Variants in AKR1C3 observed in about 807,000 individuals in gnomAD.
AKR1C3 encodes the protein aldo-keto reductase family 1 member C3, also known as 3-alpha hydroxysteroid dehydrogenase, type II.
In AKR1C3, 48 loss-of-function variants were observed where a neutral mutation model predicts 43.6. The ratio of observed to expected loss-of-function variants is 1.10; its 90% confidence interval spans 0.87 to 1.40. The LOEUF is 1.40. Among genes scored for constraint, AKR1C3 ranks in the 40% most tolerant of loss-of-function variants. The probability of loss-of-function intolerance (pLI) is 0.00; values close to 1 mark genes in which losing one functional copy is unlikely to be tolerated. For synonymous variants in AKR1C3, 162 were observed against 139.6 expected, an observed-to-expected ratio of 1.16 and a Z score of -1.13; for missense variants, 482 against 391.2, an observed-to-expected ratio of 1.23 and a Z score of -1.96.
chr10:5,102,766 T>G, intron 7 of AKR1C3, 116 bp downstream of exon 7: 1 of 1,509,480 alleles, frequency 6.6e-7, no homozygotes, highest in Non-Finnish European at 8.9e-7. Flanking sequence ...ATTTCCCATA[T>G]GAATGCTTTG....
At chr10:5,064,058 A>C (rs1480325464) in intron 1 of AKR1C3, among the ~76,000 whole-genome samples, 2 of 152,232 alleles carry the variant, frequency 1.3e-5, no homozygotes, top group African/African-American at 4.8e-5. Flanking sequence ...GCTCATCCAT[A>C]AAAGTAGCTT....
chr10:5,054,660 ACT>A (rs1469842267), intron 1 of AKR1C3, among the ~76,000 whole-genome samples: 3 of 150,908 alleles, frequency 2.0e-5, no homozygotes, highest in Non-Finnish European at 4.4e-5. Flanking sequence ...TCTCTTTCTG[ACT>A]CTGACTTTCT....
Position 5,097,541 on chromosome 10 carries a change from G to GTCTC in AKR1C3, c.362_365dup (p.Lys123SerfsTer5). 1 of 1,613,534 alleles carries GTCTC rather than the reference G, an allele frequency of 6.2e-7. No homozygotes were observed. The highest frequency in any genetic ancestry group is 8.5e-7 in the Non-Finnish European group (1 of 1,179,574). On this transcript the variant is annotated frameshift_variant, in exon 3 of 9. Coordinates refer to ENST00000380554, the MANE Select transcript of AKR1C3 (RefSeq NM_003739.6). LOFTEE classifies it high-confidence loss of function. ...ACCTCTATCTTATTCATTCTCCAAT[G>GTCTC]TCTCTAAAGGTATGCAGTTTGTATG...
chr10:5,107,420 T>A, intron 8 of AKR1C3, 41 bp from the exon 9 acceptor site: 4 of 1,344,080 alleles, frequency 3.0e-6, no homozygotes, highest in Non-Finnish European at 3.2e-6. Flanking sequence ...CCCCTAGTAA[T>A]GGAGTCATTG....
At chr10:5,088,042 A>G (rs1554783525) in intron 1 of AKR1C3, among the ~76,000 whole-genome samples, 1 of 152,148 alleles carries the variant, frequency 6.6e-6, no homozygotes, top group Non-Finnish European at 1.5e-5. Context: ...ATTCATTTCA[A>G]AAAATCTGTT....
At position 5,107,499 on chromosome 10, in the gene AKR1C3, A is replaced by G. The variant is rs782096222; in HGVS notation, c.968A>G (p.Tyr323Cys). Residue 323 changes from tyrosine to cysteine, a missense_variant, in exon 9 of 9, where the codon TAT becomes TGT. Transcript: ENST00000380554. ...CCTAATTATCCATATTCAGATGAATATTAACATGGAGGGCTTTGCCTGATG... is the reference window on the plus strand; with the variant it reads ...CCTAATTATCCATATTCAGATGAATGTTAACATGGAGGGCTTTGCCTGATG... The part of the protein sequence containing the change: ...SHPNYPYSDE[Y>C] The G allele has an allele frequency of 9.4e-6, 15 of 1,588,910 alleles. No homozygotes were observed. In the Admixed American group the frequency reaches 2.2e-4, roughly 23 times the overall value.
chr10:5,077,733 GAAA>G, intron 1 of AKR1C3: 6 of 1,165,624 alleles, frequency 5.1e-6, no homozygotes, highest in Non-Finnish European at 5.3e-6. Context: ...AGAGAAAAAA[GAAA>G]AAAAAAGGTG....
chr10:5,105,138 T>G (rs1181892566), intron 7 of AKR1C3: 1 of 153,056 alleles, frequency 6.5e-6, no homozygotes, highest in Non-Finnish European at 1.5e-5. Flanking sequence ...AATTCCTGCC[T>G]TGAATTATGT....
At chr10:5,056,025 T>A (rs1838254191) in intron 1 of AKR1C3, among the ~76,000 whole-genome samples, 2 of 152,196 alleles carry the variant, frequency 1.3e-5, no homozygotes, top group South Asian at 4.1e-4. Flanking sequence ...AAGCTGGGCC[T>A]TCAACCTAGA....
At chr10:5,056,628 C>A (rs962333563) in intron 1 of AKR1C3, among the ~76,000 whole-genome samples, 1 of 152,182 alleles carries the variant, frequency 6.6e-6, no homozygotes, top group East Asian at 1.9e-4. Flanking sequence ...CTGATTTGGA[C>A]TGAGTGGGCA....
intron 8 of AKR1C3, among the ~76,000 whole-genome samples, chr10:5,105,970 G>A (rs587616236): frequency 6.7e-4 from 102 of 152,270 alleles, no homozygotes; most frequent in African/African-American, 2.4e-3. Context: ...TTCTACCACT[G>A]GACATGCTGT....
rs782266004 is a variant in AKR1C3, at chr10:5,102,616, G to A, written c.812G>A (p.Ser271Asn). ...CGTGGGGTTGTGGTCCTGGCCAAGAGCTACAATGAGCAGCGCATCAGACAG... is the reference window on the plus strand; with the variant it reads ...CGTGGGGTTGTGGTCCTGGCCAAGAACTACAATGAGCAGCGCATCAGACAG... ...LQRGVVVLAK[S>N]YNEQRIRQNV... The change falls in exon 7 of 9, where the codon AGC (serine) becomes AAC (asparagine). Residue 271 changes from serine (S) to asparagine (N), a missense_variant. Physicochemically the swap from Ser to Asn is conservative, Grantham distance 46. Coordinates refer to ENST00000380554, the MANE Select transcript of AKR1C3 (RefSeq NM_003739.6). 5.3e-6 allele frequency: 8 copies of A among 1,506,184 alleles called. No individual in the cohort carries two copies. In the East Asian group the frequency reaches 7.1e-5, roughly 13 times the overall value. The allele number at this position is 1,506,184 out of a possible 1,614,324, so 93.3% of individuals were successfully genotyped here.
chr10:5,051,989 A>C (rs1193289177), intron 1 of AKR1C3, among the ~76,000 whole-genome samples: 2 of 152,002 alleles, frequency 1.3e-5, no homozygotes, highest in African/African-American at 4.8e-5. Flanking sequence ...GTGTGTCTGG[A>C]ATTGGTGGGT....
chr10:5,076,144 C>G (rs994015476), intron 1 of AKR1C3, among the ~76,000 whole-genome samples: 1 of 152,178 alleles, frequency 6.6e-6, no homozygotes, highest in Non-Finnish European at 1.5e-5. Flanking sequence ...AACAGTAGTT[C>G]TCAAATCATA....
chr10:5,095,864 A>AT lies in AKR1C3; in HGVS notation c.85-546_85-545insT, dbSNP rs782473181. On this transcript the variant is annotated intron_variant, in intron 1 of 8. Transcript: ENST00000380554. ...TGACTATGCAGAAAAGACTTAATAG[A>AT]CTACTATTCACAGATGCTTTATTTC... 9.8e-3 allele frequency among the ~76,000 whole-genome samples: 1,488 copies of AT among 152,188 alleles called. 23 individuals carry two copies. Among genetic ancestry groups the AT allele is most frequent in the African/African-American group, 0.034 (1,417 of 41,530 alleles).
At chr10:5,088,230 T>C (rs1365125859) in intron 1 of AKR1C3, among the ~76,000 whole-genome samples, 1 of 152,194 alleles carries the variant, frequency 6.6e-6, no homozygotes, top group Non-Finnish European at 1.5e-5. Context: ...ACTTGCTTTA[T>C]AACCAAGGAT....
chr10:5,062,610 T>C (rs1838402133), intron 1 of AKR1C3, among the ~76,000 whole-genome samples: 11 of 152,160 alleles, frequency 7.2e-5, no homozygotes, highest in Admixed American at 7.2e-4. Context: ...CTAATAATTA[T>C]TTCACATCTC....
intron 1 of AKR1C3, among the ~76,000 whole-genome samples, chr10:5,088,368 T>G (rs1588349181): frequency 1.4e-5 from 2 of 146,324 alleles, no homozygotes; most frequent in African/African-American, 2.5e-5. Flanking sequence ...GTCCAGAGAG[T>G]TTTTTTTTTG....
At chr10:5,106,726 C>A (rs1308717370) in intron 8 of AKR1C3, among the ~76,000 whole-genome samples, 1 of 148,414 alleles carries the variant, frequency 6.7e-6, no homozygotes, top group Non-Finnish European at 1.5e-5. Flanking sequence ...TGCACTCCAG[C>A]CTGAATGACA....
Sources: allele counts gnomAD v4.1 joint callset (sites outside exome capture counted in the v4.1 genomes callset), GRCh38; gene constraint gnomAD v4.1.1; transcripts MANE v1.5; gene names NCBI Gene and HGNC (gene_info 2026-07-23, HGNC 2026-07-21).